WDFY3: variants seen among roughly 807,000 people sequenced by gnomAD.
WDFY3 encodes WD repeat and FYVE domain containing 3.
WDFY3 carries 66 observed loss-of-function variants against 409.6 expected under a neutral mutation model. The ratio of observed to expected loss-of-function variants is 0.16; its 90% confidence interval spans 0.13 to 0.20. WDFY3 has a LOEUF of 0.20. Ranked by LOEUF, WDFY3 falls within the 10% of genes least tolerant of loss-of-function variation. WDFY3 has a pLI of 1.00. For missense variants in WDFY3, 3,031 were observed against 4,298.1 expected, an observed-to-expected ratio of 0.71 and a Z score of 8.24; for synonymous variants, 1,521 against 1,537.1, an observed-to-expected ratio of 0.99 and a Z score of 0.25.
intron 1 of WDFY3, among the ~76,000 whole-genome samples, chr4:84,941,318 T>C (rs1288243061): frequency 6.6e-6 from 1 of 152,044 alleles, no homozygotes; most frequent in Non-Finnish European, 1.5e-5. Context: ...CAATTGTGTT[T>C]CTACATATTA....
chr4:84,692,765 T>C (rs1299776673), intron 59 of WDFY3, 120 bp downstream of exon 59: 1 of 926,116 alleles, frequency 1.1e-6, no homozygotes, highest in South Asian at 1.9e-5. Context: ...TAACACAAAA[T>C]GTATGGCACT....
chr4:84,829,695 T>C (rs1755385886), intron 8 of WDFY3, among the ~76,000 whole-genome samples: 1 of 151,894 alleles, frequency 6.6e-6, no homozygotes, highest in Non-Finnish European at 1.5e-5. Flanking sequence ...TAGTCCCAGC[T>C]ACTCGGGAGG....
intron 4 of WDFY3, among the ~76,000 whole-genome samples, chr4:84,859,174 T>C (rs1353062236): frequency 1.3e-5 from 2 of 152,162 alleles, no homozygotes; most frequent in Non-Finnish European, 2.9e-5. Context: ...GAACAAGTTC[T>C]ATAATAATGG....
At chr4:84,824,704 T>A (rs994424511) in intron 10 of WDFY3, among the ~76,000 whole-genome samples, 15 of 152,138 alleles carry the variant, frequency 9.9e-5, no homozygotes, top group Non-Finnish European at 2.2e-4. Flanking sequence ...TCAAAACTCA[T>A]CAAATTCAAC....
chr4:84,747,033 C>T (rs1408711612), intron 36 of WDFY3, among the ~76,000 whole-genome samples: 3 of 152,188 alleles, frequency 2.0e-5, no homozygotes, highest in Non-Finnish European at 4.4e-5. Flanking sequence ...CTCTTCATCA[C>T]TCTTTTAGAT....
chr4:84,949,421 GACT>G (rs1444988336), intron 1 of WDFY3, among the ~76,000 whole-genome samples: 1 of 152,082 alleles, frequency 6.6e-6, no homozygotes, highest in Admixed American at 6.5e-5. Context: ...AAATGACAAT[GACT>G]ACATTACATT....
intron 9 of WDFY3, among the ~76,000 whole-genome samples, chr4:84,828,096 AG>A (rs148905265): frequency 0.023 from 3,508 of 150,868 alleles, 73 homozygotes; most frequent in Non-Finnish European, 0.03. Context: ...GGAGGGAGGG[AG>A]GAAGGGAGGA....
rs147134417 is a variant in WDFY3 at position 84,765,319 on chromosome 4, A to G, written c.5188+491T>C. Among the ~76,000 whole-genome samples, 393 of 152,336 alleles carry G rather than the reference A, an allele frequency of 2.6e-3. 2 individuals carry two copies. The highest frequency in any genetic ancestry group is 8.9e-3 in the African/African-American group (372 of 41,582). On this transcript the variant is annotated intron_variant, in intron 32 of 67. Coordinates refer to ENST00000295888, the MANE Select transcript of WDFY3 (RefSeq NM_014991.6). ...TAGTGAGCTTAAATCCTTGTGTGGC[A>G]ATATAACATAAATGTTAAAAGCATA...
At position 84,741,429 on chromosome 4, in the gene WDFY3, C is replaced by T. The variant is rs1234110797; in HGVS notation, c.6234+332G>A. ...TCCCAGGTTCAAATGATTCTCCTGC[C>T]TCCACCTCCCAAGTAGCTGGAATTA... On this transcript the variant is annotated intron_variant, in intron 38 of 67. Transcript: ENST00000295888. 6.6e-5 allele frequency among the ~76,000 whole-genome samples: 10 copies of T among 151,998 alleles called. No homozygotes were observed. The South Asian group carries it at 1.2e-3, about 19-fold the overall frequency.
chr4:84,863,416 T>C (rs1397380460), intron 3 of WDFY3, among the ~76,000 whole-genome samples: 1 of 152,194 alleles, frequency 6.6e-6, no homozygotes, highest in Non-Finnish European at 1.5e-5. Flanking sequence ...CTCGCCACTC[T>C]AACAGGTGTG....
At chr4:84,738,329 G>T (rs1737817576) in intron 40 of WDFY3, among the ~76,000 whole-genome samples, 1 of 152,052 alleles carries the variant, frequency 6.6e-6, no homozygotes, top group African/African-American at 2.4e-5. Flanking sequence ...GGGCATGGTA[G>T]CTCACAGCTG....
At chr4:84,729,485 ATAT>A (rs1355149806) in intron 44 of WDFY3, among the ~76,000 whole-genome samples, 7 of 151,872 alleles carry the variant, frequency 4.6e-5, no homozygotes, top group African/African-American at 1.7e-4. Flanking sequence ...ATTTTTCTCG[ATAT>A]TAATAATTAT....
chr4:84,695,499 C>CAGAGAGAGAGAGAGAGAGAGAG (rs1217791319), intron 58 of WDFY3, among the ~76,000 whole-genome samples: 1 of 73,072 alleles, frequency 1.4e-5, no homozygotes, highest in African/African-American at 4.5e-5. Flanking sequence ...CACACAGAGA[C>CAGAGAGAGAGAGAGAGAGAGAG]AGAGAGAGAT....
At chr4:84,865,499 C>T (rs1179380027) in intron 3 of WDFY3, among the ~76,000 whole-genome samples, 2 of 152,206 alleles carry the variant, frequency 1.3e-5, no homozygotes, top group African/African-American at 2.4e-5. Context: ...AAATCTCCCG[C>T]CATCCTCCAG....
intron 64 of WDFY3, among the ~76,000 whole-genome samples, chr4:84,681,412 C>T (rs1265371297): frequency 6.6e-6 from 1 of 152,008 alleles, no homozygotes; most frequent in Non-Finnish European, 1.5e-5. Flanking sequence ...TTTTTATGTC[C>T]CCAAACACCC....
At chr4:84,802,884 A>C (rs555737715) in intron 16 of WDFY3, among the ~76,000 whole-genome samples, 46 of 152,324 alleles carry the variant, frequency 3.0e-4, no homozygotes, top group Non-Finnish European at 5.3e-4. Flanking sequence ...ATAACATTTT[A>C]ATAAAAATCA....
At position 84,672,909 on chromosome 4, in the gene WDFY3, G is replaced by C. The variant is rs534176653; in HGVS notation, c.10540C>G (p.Gln3514Glu). ...CCATCTTCTGAACCTCTCTCATGCT[G>C]TAAGTTATAATAACAGTTCTGACAA... ...RVCQNCYYNLQHERGSEDGPR... is the reference protein window; with the variant it reads ...RVCQNCYYNLEHERGSEDGPR... The change falls in exon 68 of 68, where the codon CAG becomes GAG. Residue 3514 changes from glutamine (Q) to glutamate (E), a missense_variant. Gln to Glu is a conservative substitution (Grantham distance 29). Around this residue, in one of 16 missense-constraint regions of WDFY3, gnomAD observed 378 missense variants for 477.3 expected, o/e 0.79. Coordinates refer to ENST00000295888, the MANE Select transcript of WDFY3 (RefSeq NM_014991.6). The C allele has an allele frequency of 1.3e-6, 2 of 1,599,826 alleles. No homozygotes were observed. Among genetic ancestry groups the C allele is most frequent in the South Asian group, 1.1e-5 (1 of 90,822 alleles).
intron 8 of WDFY3, among the ~76,000 whole-genome samples, chr4:84,830,656 C>T (rs1304439606): frequency 6.6e-6 from 1 of 152,172 alleles, no homozygotes; most frequent in Non-Finnish European, 1.5e-5. Flanking sequence ...ATTACATATA[C>T]TTTAAACCAA....
chr4:84,697,920 T>G (rs148018119), intron 56 of WDFY3, among the ~76,000 whole-genome samples: 1 of 152,342 alleles, frequency 6.6e-6, no homozygotes, highest in African/African-American at 2.4e-5. Flanking sequence ...ATTTACAATG[T>G]GATATCGAGT....
Sources: allele counts gnomAD v4.1 joint callset (sites outside exome capture counted in the v4.1 genomes callset), GRCh38; gene constraint gnomAD v4.1.1; regional missense constraint gnomAD v4.1.1; transcripts MANE v1.5; gene names NCBI Gene and HGNC (gene_info 2026-07-23, HGNC 2026-07-21).